The following EGFLAM variants were observed in gnomAD, a reference collection of about 807,000 sequenced individuals.
EGFLAM encodes EGF like, fibronectin type III and laminin G domains, also known as pikachurin.
Under a neutral mutation model 113.1 loss-of-function variants are expected in EGFLAM, and 79 were observed. The observed-to-expected ratio is 0.70, with a 90% CI of 0.58 to 0.84. The LOEUF (loss-of-function observed/expected upper bound fraction) is 0.84. Ranked by LOEUF, EGFLAM falls within the 40% of genes least tolerant of loss-of-function variation. The pLI is 0.00. For synonymous variants in EGFLAM, 504 were observed against 487.6 expected (o/e 1.03, Z -0.44); for missense variants, 1,265 against 1,291.6 (o/e 0.98, Z 0.32).
At chr5:38,412,294 G>C (rs1741505860) in intron 10 of EGFLAM, among the ~76,000 whole-genome samples, 2 of 152,158 alleles carry the variant, frequency 1.3e-5, no homozygotes, top group Non-Finnish European at 2.9e-5. Flanking sequence ...CCTATGGGCA[G>C]ATGAAAGATA....
intron 1 of EGFLAM, among the ~76,000 whole-genome samples, chr5:38,317,113 TC>T (rs1470576218): frequency 2.0e-5 from 3 of 152,226 alleles, no homozygotes; most frequent in African/African-American, 7.2e-5. Context: ...AAGATCACTT[TC>T]TATGATCTTG....
chr5:38,277,610 A>G (rs1411769390), intron 1 of EGFLAM, among the ~76,000 whole-genome samples: 1 of 149,264 alleles, frequency 6.7e-6, no homozygotes, highest in Non-Finnish European at 1.5e-5. Context: ...GGAAAGAAGA[A>G]GTGAAACTGT....
intron 5 of EGFLAM, among the ~76,000 whole-genome samples, chr5:38,359,674 A>AAC (rs147284558): frequency 6.6e-6 from 1 of 152,114 alleles, no homozygotes; most frequent in Non-Finnish European, 1.5e-5. Flanking sequence ...GACTCTCTCA[A>AAC]ACACACACAC....
At chr5:38,336,144 G>A (rs979077975) in intron 1 of EGFLAM, among the ~76,000 whole-genome samples, 3 of 152,026 alleles carry the variant, frequency 2.0e-5, no homozygotes, top group Non-Finnish European at 4.4e-5. Context: ...AAAATTTACA[G>A]CCGTTAAAAA....
At chr5:38,366,446 C>T (rs965058639) in intron 5 of EGFLAM, among the ~76,000 whole-genome samples, 7 of 152,182 alleles carry the variant, frequency 4.6e-5, no homozygotes, top group African/African-American at 9.7e-5. Flanking sequence ...CGTGGAGCCT[C>T]CTGGAATATA....
chr5:38,340,449 C>A (rs1469814265), intron 3 of EGFLAM, among the ~76,000 whole-genome samples: 1 of 152,140 alleles, frequency 6.6e-6, no homozygotes, highest in Non-Finnish European at 1.5e-5. Flanking sequence ...TGCATTTGAT[C>A]ATCTTGCCAA....
chr5:38,291,034 C>G (rs989055364), intron 1 of EGFLAM: 1 of 152,182 alleles, frequency 6.6e-6, no homozygotes, highest in Non-Finnish European at 1.5e-5. Context: ...TGCAGTGAGC[C>G]GAGATAGCGC....
At chr5:38,341,597 T>C (rs571793124) in intron 3 of EGFLAM, among the ~76,000 whole-genome samples, 13 of 152,330 alleles carry the variant, frequency 8.5e-5, no homozygotes, top group African/African-American at 3.1e-4. Flanking sequence ...ATGGAACAGT[T>C]AGACATTTCT....
chr5:38,424,871 T>C (rs1579912388), intron 12 of EGFLAM, 96 bp from the exon 13 acceptor site: 1 of 1,495,392 alleles, frequency 6.7e-7, no homozygotes, highest in East Asian at 2.3e-5. Flanking sequence ...CTGAAATGTA[T>C]TTATTCAGAA....
chr5:38,451,234 G>A (rs1241034514), intron 18 of EGFLAM, 81 bp from the exon 19 acceptor site: 2 of 1,563,142 alleles, frequency 1.3e-6, no homozygotes, highest in Non-Finnish European at 1.7e-6. Flanking sequence ...TGGTTCCTCA[G>A]GGCTGGCAGA....
chr5:38,310,260 A>C (rs538630651), intron 1 of EGFLAM, among the ~76,000 whole-genome samples: 1 of 152,270 alleles, frequency 6.6e-6, no homozygotes, highest in East Asian at 1.9e-4. Flanking sequence ...TCAGATTAGG[A>C]AAGTGGTTGA....
intron 6 of EGFLAM, among the ~76,000 whole-genome samples, chr5:38,392,867 T>C (rs1218724583): frequency 6.6e-6 from 1 of 152,120 alleles, no homozygotes. Flanking sequence ...CGGTGTGTGA[T>C]GTTCCCCATC....
chr5:38,374,640 T>C (rs1368423693), intron 6 of EGFLAM, among the ~76,000 whole-genome samples: 1 of 152,230 alleles, frequency 6.6e-6, no homozygotes, highest in African/African-American at 2.4e-5. Context: ...AGCCAGAGGC[T>C]GCATGATTCC....
intron 1 of EGFLAM, among the ~76,000 whole-genome samples, chr5:38,326,990 G>T (rs1016809168): frequency 6.6e-6 from 1 of 151,624 alleles, no homozygotes; most frequent in African/African-American, 2.4e-5. Flanking sequence ...TAGAGACGGG[G>T]TTTTACCATG....
chr5:38,333,839 G>A (rs1739113873), intron 1 of EGFLAM, among the ~76,000 whole-genome samples: 1 of 147,404 alleles, frequency 6.8e-6, no homozygotes, highest in Admixed American at 6.7e-5. Context: ...CTTTTGTTGT[G>A]ATTGCTTTTG....
intron 17 of EGFLAM, chr5:38,445,468 C>T: frequency 7.0e-7 from 1 of 1,427,496 alleles, no homozygotes; most frequent in South Asian, 1.5e-5. Flanking sequence ...AGGCGGGTGG[C>T]TGGGTGCCAA....
At chr5:38,451,015 A>G (rs934620722) in intron 18 of EGFLAM, among the ~76,000 whole-genome samples, 1 of 152,186 alleles carries the variant, frequency 6.6e-6, no homozygotes, top group African/African-American at 2.4e-5. Context: ...CAGGAAAGAG[A>G]AAAGAATGAG....
intron 1 of EGFLAM, among the ~76,000 whole-genome samples, chr5:38,331,012 A>G (rs1350881724): frequency 3.7e-4 from 56 of 152,366 alleles, no homozygotes; most frequent in Non-Finnish European, 4.4e-5. Flanking sequence ...TATGTGCAAA[A>G]TACTTGAAAA....
rs1739648850 is a variant in EGFLAM at position 38,352,309 on chromosome 5, T to C, written c.523T>C (p.Tyr175His). 1.2e-6 allele frequency: 2 copies of C among 1,614,020 alleles called. No homozygotes were observed. The highest frequency in any genetic ancestry group is 2.7e-5 in the African/African-American group (2 of 75,008). ...GASEGSAPIQ[Y>H]YSVEFIRPDF... is the part of the protein sequence containing the mutation. ...GAGTGAAGGAAGCGCCCCTATTCAGTACTATTCTGTGGAATTCATCAGGTA... is the reference window on the plus strand; with the variant it reads ...GAGTGAAGGAAGCGCCCCTATTCAGCACTATTCTGTGGAATTCATCAGGTA... The change falls in exon 5 of 22, where the codon TAC becomes CAC. Residue 175 changes from tyrosine (Y) to histidine (H), a missense_variant. Coordinates refer to ENST00000322350, the MANE Select transcript of EGFLAM (RefSeq NM_152403.4).
Sources: allele counts gnomAD v4.1 joint callset (sites outside exome capture counted in the v4.1 genomes callset), GRCh38; gene constraint gnomAD v4.1.1; transcripts MANE v1.5; gene names NCBI Gene and HGNC (gene_info 2026-07-23, HGNC 2026-07-21).